The following CFAP92 variants were observed in gnomAD, a reference collection of about 807,000 sequenced individuals.
CFAP92 encodes the protein uncharacterized protein CFAP92.
Under a neutral mutation model 106.3 loss-of-function variants are expected in CFAP92, and 86 were observed. That is an observed-to-expected ratio of 0.81 (90% confidence interval 0.68 to 0.97). The LOEUF is 0.97. Ranked by LOEUF, CFAP92 falls within the 50% of genes least tolerant of loss-of-function variation. The probability of loss-of-function intolerance (pLI) is 0.00; values close to 1 mark genes in which losing one functional copy is unlikely to be tolerated. For synonymous variants in CFAP92, 477 were observed against 506.4 expected (o/e 0.94, Z 0.78); for missense variants, 1,204 against 1,283.8 (o/e 0.94, Z 0.95).
At chr3:129,013,197 T>C in the CFAP92 span, among the ~76,000 whole-genome samples, 2,486 of 152,134 alleles carry the variant, frequency 0.016, 66 homozygotes, top group African/African-American at 0.056. Flanking sequence ...ATCGCCAGAT[T>C]GTTTTGACGG....
rs1936725603 is a variant in CFAP92 at position 128,915,374 on chromosome 3, T to C, written c.3106A>G (p.Ile1036Val). ...CTGTGGACCTCATTCAGCTCTTTGA[T>C]GGGTGGCAGCTTGAGATCCTGAAAG... is the stretch of plus-strand genomic sequence containing the variant. ...SSFQDLKLPP[I>V]KELNEEWKEN... is the part of the protein sequence containing the mutation. Residue 1036 changes from isoleucine (I) to valine (V), a missense_variant, in exon 14 of 16, where the codon ATC becomes GTC. Coordinates refer to ENST00000645291, the MANE Select transcript of CFAP92 (RefSeq NM_001394090.1). The C allele has an allele frequency of 6.5e-7, 1 of 1,536,012 alleles. No homozygotes were observed. The highest frequency in any genetic ancestry group is 2.0e-5 in the Admixed American group (1 of 50,980).
intron 4 of CFAP92, among the ~76,000 whole-genome samples, chr3:128,983,779 G>C (rs575450384): frequency 6.6e-6 from 1 of 152,384 alleles, no homozygotes; most frequent in African/African-American, 2.4e-5. Context: ...GCAGGGACCA[G>C]GAGGTGGGCT....
chr3:129,003,951 C>A, upstream of CFAP92: 5 of 1,418,118 alleles, frequency 3.5e-6, no homozygotes, highest in South Asian at 1.4e-5. Flanking sequence ...CGGCGGCGCG[C>A]GGAGGAGGCC....
chr3:129,026,561 T>TA, the CFAP92 span, among the ~76,000 whole-genome samples: 1 of 152,182 alleles, frequency 6.6e-6, no homozygotes, highest in Non-Finnish European at 1.5e-5. Flanking sequence ...CCCAGTGAGC[T>TA]AAAATCGCCT....
intron 12 of CFAP92, among the ~76,000 whole-genome samples, chr3:128,926,516 C>T (rs927599284): frequency 2.6e-5 from 4 of 152,122 alleles, no homozygotes; most frequent in African/African-American, 9.7e-5. Context: ...TACTTTCTCC[C>T]CAAGATCACA....
chr3:128,956,439 A>G (rs980033139), intron 9 of CFAP92, among the ~76,000 whole-genome samples: 2 of 152,036 alleles, frequency 1.3e-5, no homozygotes, highest in Non-Finnish European at 2.9e-5. Context: ...ATTTGGCAAA[A>G]TACATAAGCC....
chr3:128,984,751 G>A (rs984101414), intron 4 of CFAP92, among the ~76,000 whole-genome samples: 1 of 152,138 alleles, frequency 6.6e-6, no homozygotes, highest in African/African-American at 2.4e-5. Context: ...CTAGTACACT[G>A]AGTCAGATTA....
At chr3:129,017,843 G>T in the CFAP92 span, among the ~76,000 whole-genome samples, 1 of 152,194 alleles carries the variant, frequency 6.6e-6, no homozygotes, top group African/African-American at 2.4e-5. Context: ...GAACTTGGGG[G>T]CCCATTCCTA....
intron 4 of CFAP92, among the ~76,000 whole-genome samples, chr3:128,981,931 T>C (rs981572404): frequency 2.0e-5 from 3 of 152,212 alleles, no homozygotes; most frequent in African/African-American, 7.2e-5. Context: ...TATAAACAGA[T>C]GTGCTGTCAT....
intron 12 of CFAP92, among the ~76,000 whole-genome samples, chr3:128,929,688 T>A (rs969842909): frequency 6.6e-6 from 1 of 152,234 alleles, no homozygotes; most frequent in Non-Finnish European, 1.5e-5. Context: ...CATAATTATA[T>A]GGTTCCAATT....
chr3:128,930,566 C>T (rs1338293793), intron 12 of CFAP92, among the ~76,000 whole-genome samples: 3 of 151,868 alleles, frequency 2.0e-5, no homozygotes, highest in Non-Finnish European at 4.4e-5. Flanking sequence ...GCCTGGGCAA[C>T]ATGGCGAAAC....
chr3:128,964,467 TA>T (rs541700046), intron 9 of CFAP92, among the ~76,000 whole-genome samples: 114 of 152,360 alleles, frequency 7.5e-4, no homozygotes, highest in African/African-American at 2.6e-3. Flanking sequence ...TGCTCTTGTT[TA>T]CACTGCCGGT....
At chr3:128,910,843 A>G (rs199572038) in intron 15 of CFAP92, 1 of 1,611,748 alleles carries the variant, frequency 6.2e-7, no homozygotes, top group Non-Finnish European at 8.5e-7. Flanking sequence ...GGAGGGAAGG[A>G]AGGGCCCACT....
At chr3:128,940,701 A>G (rs563222111) in intron 10 of CFAP92, among the ~76,000 whole-genome samples, 135 of 152,240 alleles carry the variant, frequency 8.9e-4, no homozygotes, top group African/African-American at 3.1e-3. Context: ...CTGCTTGTCT[A>G]TCTCTGAACC....
At chr3:129,024,609 G>A in the CFAP92 span, among the ~76,000 whole-genome samples, 1 of 152,146 alleles carries the variant, frequency 6.6e-6, no homozygotes, top group African/African-American at 2.4e-5. Flanking sequence ...TAAAGGGCAT[G>A]TCACATCTGG....
rs545191144 is a variant in CFAP92 at position 128,956,215 on chromosome 3, T to TA, written c.1353+9295dup. 4.6e-3 allele frequency among the ~76,000 whole-genome samples: 314 copies of TA among 68,724 alleles called. 2 individuals carry two copies. The highest frequency in any genetic ancestry group is 6.8e-3 in the Non-Finnish European group (227 of 33,444). The allele number at this position is 68,724 out of a possible 152,430, so 45.1% of individuals were successfully genotyped here. On this transcript the variant is annotated intron_variant, in intron 9 of 15. Coordinates refer to ENST00000645291, the MANE Select transcript of CFAP92 (RefSeq NM_001394090.1). ...AAAAAATAAAAAAAAAATAAAAAAA[T>TA]AAAAAAAAAAAAAGAAAATAGAAAG...
chr3:128,932,773 TG>T lies in CFAP92; in HGVS notation c.2677del (p.His893ThrfsTer14). 1 of 1,536,142 alleles carries T rather than the reference TG, an allele frequency of 6.5e-7. No individual in the cohort carries two copies. Among genetic ancestry groups the T allele is most frequent in the South Asian group, 1.2e-5 (1 of 84,056 alleles). Reference protein sequence around the residue: ...NSTLTLEIHAHQEKYLQWRSA... With the variant: ...NSTLTLEIHAXQEKYLQWRSA... ...CCGCCACTGCAGGTACTTCTCCTGG[TG>T]GGCGTGGATCTCTAAGGTGAGGGTG... On this transcript the variant is annotated frameshift_variant, in exon 12 of 16. Transcript: ENST00000645291. LOFTEE classifies it high-confidence loss of function.
chr3:128,942,075 C>T (rs1022728856), intron 10 of CFAP92, among the ~76,000 whole-genome samples: 21 of 152,178 alleles, frequency 1.4e-4, no homozygotes, highest in African/African-American at 3.6e-4. Flanking sequence ...TCCCCAAGAC[C>T]GCCCTTACTT....
chr3:128,942,916 CTT>C (rs36073693), intron 10 of CFAP92, among the ~76,000 whole-genome samples: 3,202 of 84,664 alleles, frequency 0.038, 27 homozygotes, highest in Non-Finnish European at 0.05. Context: ...AAAACTCAAC[CTT>C]TTTTTTTTTT....
Sources: gnomAD v4.1 joint callset for allele counts (sites outside exome capture counted in the v4.1 genomes callset) on GRCh38, gnomAD v4.1.1 for gene constraint, MANE v1.5 for transcripts, NCBI Gene and HGNC (gene_info 2026-07-23, HGNC 2026-07-21) for gene names.